The following EYS variants were observed in gnomAD, a reference collection of about 807,000 sequenced individuals.
EYS encodes protein eyes shut homolog.
In EYS, 250 loss-of-function variants were observed where a neutral mutation model predicts 282.1. The ratio of observed to expected loss-of-function variants is 0.89; its 90% CI spans 0.80 to 0.98. The LOEUF is 0.98. EYS is among the 50% of genes least tolerant of loss of function. The pLI is 0.00. For missense variants in EYS, 4,016 were observed against 3,709.0 expected (o/e 1.08, Z -2.15); for synonymous variants, 1,355 against 1,282.9 (o/e 1.06, Z -1.20).
intron 8 of EYS, among the ~76,000 whole-genome samples, chr6:65,371,709 CTCTCTCTCTCTCTCT>C (rs1765147369): frequency 9.8e-6 from 1 of 102,190 alleles, no homozygotes; most frequent in African/African-American, 4.7e-5. Context: ...CTCTCTCTCC[CTCTCTCTCTCTCTCT>C]CTCTCTCTCT....
At chr6:64,391,537 C>T (rs9717951) in intron 28 of EYS, among the ~76,000 whole-genome samples, 5,214 of 151,354 alleles carry the variant, frequency 0.034, 205 homozygotes, top group African/African-American at 0.1. Flanking sequence ...GCTTCATAAG[C>T]GAAGGAGAAA....
chr6:65,324,078 C>T (rs1191426629), intron 11 of EYS, among the ~76,000 whole-genome samples: 1 of 151,632 alleles, frequency 6.6e-6, no homozygotes, highest in Non-Finnish European at 1.5e-5. Context: ...AAATCTATCA[C>T]TTTATTCCCA....
chr6:65,235,042 G>C (rs796628275), intron 12 of EYS, among the ~76,000 whole-genome samples: 1 of 152,094 alleles, frequency 6.6e-6, no homozygotes, highest in Admixed American at 6.6e-5. Flanking sequence ...AATATTTTAA[G>C]GTTCATTAAA....
intron 12 of EYS, among the ~76,000 whole-genome samples, chr6:65,182,344 A>G (rs1318224868): frequency 1.3e-5 from 2 of 151,560 alleles, no homozygotes; most frequent in African/African-American, 4.8e-5. Context: ...CTTTATTTAA[A>G]TCTTTATATT....
chr6:64,328,830 C>CAAGCTAGGTAAAACTAGGTAGCT (rs1165456441), intron 29 of EYS, among the ~76,000 whole-genome samples: 2 of 152,098 alleles, frequency 1.3e-5, no homozygotes, highest in African/African-American at 2.4e-5. Flanking sequence ...TGGTAGAGGA[C>CAAGCTAGGTAAAACTAGGTAGCT]AAGCTAGGTA....
At chr6:65,134,814 A>T (rs149799125) in intron 12 of EYS, among the ~76,000 whole-genome samples, 11 of 152,176 alleles carry the variant, frequency 7.2e-5, no homozygotes, top group African/African-American at 2.6e-4. Context: ...GGCAAATTAC[A>T]TTGTGGGGCC....
intron 22 of EYS, among the ~76,000 whole-genome samples, chr6:64,720,268 A>G (rs1325515275): frequency 6.6e-6 from 1 of 152,046 alleles, no homozygotes; most frequent in Non-Finnish European, 1.5e-5. Context: ...TTCCTTCATC[A>G]CATCTCCTTC....
At chr6:63,886,622 T>A (rs1281469100) in intron 35 of EYS, among the ~76,000 whole-genome samples, 1 of 152,210 alleles carries the variant, frequency 6.6e-6, no homozygotes, top group East Asian at 1.9e-4. Flanking sequence ...AGTTTCTGCT[T>A]TGAATTTTTT....
chr6:64,439,378 T>C, intron 26 of EYS, 26 bp from the exon 27 acceptor site: 4 of 1,418,000 alleles, frequency 2.8e-6, no homozygotes, highest in Non-Finnish European at 3.7e-6. Context: ...GAAAATACAA[T>C]TTAGGTTGAA....
chr6:64,310,324 A>G (rs1769643049), intron 29 of EYS, among the ~76,000 whole-genome samples: 1 of 152,232 alleles, frequency 6.6e-6, no homozygotes, highest in African/African-American at 2.4e-5. Flanking sequence ...AAAGACATGG[A>G]ATCAACCAAA....
At chr6:64,835,851 C>T (rs1256455153) in intron 19 of EYS, among the ~76,000 whole-genome samples, 1 of 151,462 alleles carries the variant, frequency 6.6e-6, no homozygotes. Flanking sequence ...ACAATGAGTG[C>T]AGTAACGTGG....
intron 33 of EYS, among the ~76,000 whole-genome samples, chr6:64,034,694 T>C (rs890501913): frequency 1.3e-5 from 2 of 152,188 alleles, no homozygotes; most frequent in Admixed American, 6.5e-5. Context: ...CTCTGTACTA[T>C]GCTATGCTGT....
intron 37 of EYS, 68 bp from the exon 38 acceptor site, chr6:63,789,292 T>C: frequency 6.9e-7 from 1 of 1,439,970 alleles, no homozygotes; most frequent in Non-Finnish European, 9.5e-7. Flanking sequence ...AGCTTTATTT[T>C]ACTGACTGGT....
At chr6:64,228,863 G>GT (rs1766330794) in intron 31 of EYS, among the ~76,000 whole-genome samples, 1 of 152,018 alleles carries the variant, frequency 6.6e-6, no homozygotes, top group Non-Finnish European at 1.5e-5. Context: ...AAAGATACTA[G>GT]GTAAAGAGTT....
At chr6:64,489,307 C>T (rs1248865651) in intron 26 of EYS, among the ~76,000 whole-genome samples, 1 of 150,660 alleles carries the variant, frequency 6.6e-6, no homozygotes, top group Non-Finnish European at 1.5e-5. Flanking sequence ...GGTTAAGGGG[C>T]TTTCAAATTC....
At chr6:65,370,046 G>A (rs1217731181) in intron 8 of EYS, among the ~76,000 whole-genome samples, 2 of 151,582 alleles carry the variant, frequency 1.3e-5, no homozygotes, top group Non-Finnish European at 2.9e-5. Context: ...AATGTAATTG[G>A]TAAGGTGATA....
Position 65,057,684 on chromosome 6 carries a change from G to A in EYS, c.2067C>T (p.Pro689=). ...EIDIDECASH[P]CKNGATCIDQ... ...CAATGCAGGTGGCTCCATTTTTGCA[G>A]GGATGTGAAGCACACTCATCTATAT... Residue 689 remains proline (P), a synonymous_variant, in exon 13 of 43, where the codon CCC becomes CCT. Coordinates refer to ENST00000503581, the MANE Select transcript of EYS (RefSeq NM_001142800.2). 1 of 1,551,056 alleles carries A rather than the reference G, an allele frequency of 6.4e-7. No individual in the cohort carries two copies. Among genetic ancestry groups the A allele is most frequent in the Non-Finnish European group, 8.7e-7 (1 of 1,146,572 alleles).
At chr6:63,928,041 G>T (rs1015305376) in intron 35 of EYS, among the ~76,000 whole-genome samples, 4 of 152,196 alleles carry the variant, frequency 2.6e-5, no homozygotes, top group Non-Finnish European at 4.4e-5. Context: ...CCGATGAGCT[G>T]TGTAATGTTA....
At chr6:64,144,086 A>C (rs1353339233) in intron 31 of EYS, among the ~76,000 whole-genome samples, 1 of 152,192 alleles carries the variant, frequency 6.6e-6, no homozygotes, top group Non-Finnish European at 1.5e-5. Flanking sequence ...CATGTACAAC[A>C]ACTCATTAAG....
Sources: allele counts gnomAD v4.1 joint callset (sites outside exome capture counted in the v4.1 genomes callset), GRCh38; gene constraint gnomAD v4.1.1; transcripts MANE v1.5; gene names NCBI Gene and HGNC (gene_info 2026-07-23, HGNC 2026-07-21).